Variants in SOX5 observed in about 807,000 individuals in gnomAD.
The protein encoded by SOX5 is SRY-box transcription factor 5.
A neutral mutation model predicts 92.0 loss-of-function variants in SOX5; 9 were observed. That is an observed-to-expected ratio of 0.10 (90% CI 0.06 to 0.17). The LOEUF (loss-of-function observed/expected upper bound fraction) is 0.17. Ranked by LOEUF, SOX5 falls within the 10% of genes least tolerant of loss-of-function variation. The pLI, the probability that SOX5 is intolerant of heterozygous loss-of-function variation, is 1.00. For synonymous variants in SOX5, 344 were observed against 336.3 expected, an observed-to-expected ratio of 1.02 and a Z score of -0.25; for missense variants, 642 against 944.5, an observed-to-expected ratio of 0.68 and a Z score of 4.20.
chr12:23,729,819 G>A (rs776611498), intron 6 of SOX5, among the ~76,000 whole-genome samples: 6 of 152,144 alleles, frequency 3.9e-5, no homozygotes, highest in Middle Eastern at 3.2e-3. Context: ...ATGCTAGAAC[G>A]CATTGTCGGA....
rs148204554 is a variant in SOX5, at chr12:24,242,628, T to C, written c.-76-29211A>G. ...TCACTAATAATCAAAGAAATGCAAA[T>C]GAAAACTCCAATAAGATATCACTTT... is the stretch of plus-strand genomic sequence containing the variant. On this transcript the variant is annotated intron_variant, in intron 3 of 4. Coordinates refer to the SOX5 transcript ENST00000446891. 8.2e-3 allele frequency among the ~76,000 whole-genome samples: 1,218 copies of C among 147,748 alleles called. 6 individuals are homozygous for C. Among genetic ancestry groups the C allele is most frequent in the Non-Finnish European group, 0.013 (906 of 67,648 alleles).
intron 4 of SOX5, among the ~76,000 whole-genome samples, chr12:24,109,136 A>G (rs1354291210): frequency 6.6e-6 from 1 of 152,166 alleles, no homozygotes; most frequent in Non-Finnish European, 1.5e-5. Flanking sequence ...GGTACTATAA[A>G]TAGATACCTT....
chr12:24,127,210 G>C (rs1442800240), intron 4 of SOX5, among the ~76,000 whole-genome samples: 1 of 151,530 alleles, frequency 6.6e-6, no homozygotes, highest in Non-Finnish European at 1.5e-5. Context: ...GGGCAACATG[G>C]CAAAACCCTG....
intron 1 of SOX5, among the ~76,000 whole-genome samples, chr12:24,400,834 A>G (rs1486415643): frequency 6.6e-6 from 1 of 152,222 alleles, no homozygotes; most frequent in African/African-American, 2.4e-5. Context: ...ATCAAACAAA[A>G]TATGTTAACA....
At chr12:23,857,843 C>T (rs1344835185) in intron 2 of SOX5, among the ~76,000 whole-genome samples, 1 of 151,992 alleles carries the variant, frequency 6.6e-6, no homozygotes, top group Non-Finnish European at 1.5e-5. Context: ...AGCGATTCTC[C>T]TGCCTCAGCC....
chr12:24,099,482 C>T (rs1204693526), intron 4 of SOX5, among the ~76,000 whole-genome samples: 1 of 152,128 alleles, frequency 6.6e-6, no homozygotes, highest in Non-Finnish European at 1.5e-5. Flanking sequence ...ACTTTGTTCT[C>T]CCTTTCATTA....
intron 3 of SOX5, among the ~76,000 whole-genome samples, chr12:24,272,920 A>G (rs75658670): frequency 5.9e-5 from 5 of 85,108 alleles, no homozygotes; most frequent in Non-Finnish European, 1.1e-4. Context: ...CTATCTTTTG[A>G]AAAAAAAAAA....
chr12:24,357,008 C>T (rs1954919189), intron 2 of SOX5, among the ~76,000 whole-genome samples: 1 of 152,166 alleles, frequency 6.6e-6, no homozygotes, highest in African/African-American at 2.4e-5. Context: ...CAATGTGTAC[C>T]ATGAATAATA....
intron 1 of SOX5, among the ~76,000 whole-genome samples, chr12:24,481,364 G>A (rs1945976425): frequency 6.6e-6 from 1 of 151,876 alleles, no homozygotes; most frequent in African/African-American, 2.4e-5. Flanking sequence ...AGCTCAACAG[G>A]GTGACTATAG....
At chr12:23,748,624 C>T (rs1015489062) in intron 4 of SOX5, among the ~76,000 whole-genome samples, 24 of 151,888 alleles carry the variant, frequency 1.6e-4, no homozygotes, top group African/African-American at 5.3e-4. Flanking sequence ...AAACTAATTA[C>T]GTTTCTTCCC....
chr12:23,857,735 CTT>C (rs36116499), intron 2 of SOX5, among the ~76,000 whole-genome samples: 30 of 140,586 alleles, frequency 2.1e-4, no homozygotes, highest in Non-Finnish European at 2.3e-4. Context: ...TTTTTTCTTT[CTT>C]TTTTTTTTTT....
chr12:24,334,498 C>T (rs530611147), intron 2 of SOX5, among the ~76,000 whole-genome samples: 64 of 152,142 alleles, frequency 4.2e-4, no homozygotes, highest in African/African-American at 1.5e-3. Context: ...TAAAGGGATG[C>T]CTTTTATTGC....
intron 4 of SOX5, among the ~76,000 whole-genome samples, chr12:24,063,720 T>A (rs1029642756): frequency 2.7e-4 from 41 of 152,146 alleles, no homozygotes; most frequent in African/African-American, 8.7e-4. Context: ...TACTCTAAAT[T>A]TTCAACTAAT....
intron 4 of SOX5, among the ~76,000 whole-genome samples, chr12:24,091,048 T>A (rs1481761239): frequency 6.6e-6 from 1 of 152,230 alleles, no homozygotes; most frequent in Non-Finnish European, 1.5e-5. Context: ...AGAGCAACTT[T>A]TAAAGAACAA....
intron 3 of SOX5, among the ~76,000 whole-genome samples, chr12:24,225,547 T>C (rs1565695702): frequency 6.6e-6 from 1 of 152,144 alleles, no homozygotes; most frequent in Admixed American, 6.6e-5. Flanking sequence ...AATGGCTAAT[T>C]TCTTGTCTCC....
intron 1 of SOX5, among the ~76,000 whole-genome samples, chr12:24,429,060 G>A (rs367573720): frequency 6.6e-6 from 1 of 152,262 alleles, no homozygotes; most frequent in East Asian, 1.9e-4. Context: ...GCTCACGACT[G>A]TAATCCCAGC....
chr12:24,355,282 C>G (rs867893069), intron 2 of SOX5, among the ~76,000 whole-genome samples: 1 of 71,920 alleles, frequency 1.4e-5, no homozygotes, highest in Non-Finnish European at 2.3e-5. Context: ...AGGGGTGCAT[C>G]TTTTTTTTTT....
intron 6 of SOX5, among the ~76,000 whole-genome samples, 162 bp from the exon 7 acceptor site, chr12:23,665,726 C>T (rs1381882334): frequency 1.3e-5 from 2 of 152,116 alleles, no homozygotes; most frequent in Non-Finnish European, 2.9e-5. Context: ...TTTGGGACTA[C>T]CTTAAACAGC....
chr12:24,380,733 AT>A (rs574110195), intron 1 of SOX5, among the ~76,000 whole-genome samples: 29 of 152,052 alleles, frequency 1.9e-4, no homozygotes, highest in East Asian at 7.7e-4. Flanking sequence ...TTCTTGATAT[AT>A]TTTTTTTAAA....
Sources: allele counts gnomAD v4.1 joint callset (sites outside exome capture counted in the v4.1 genomes callset), GRCh38; gene constraint gnomAD v4.1.1; transcripts MANE v1.5; gene names NCBI Gene and HGNC (gene_info 2026-07-23, HGNC 2026-07-21).